Variants in GSG1L observed in about 807,000 individuals in gnomAD.
GSG1L encodes GSG1 like.
In GSG1L, 24 loss-of-function variants were observed where a neutral mutation model predicts 42.1. That is an observed-to-expected ratio of 0.57 (90% CI 0.41 to 0.80). The LOEUF is 0.80. Among genes scored for constraint, GSG1L ranks in the 30% least tolerant of loss-of-function variants. GSG1L has a pLI of 0.00. For missense variants in GSG1L, 445 were observed against 472.2 expected (o/e 0.94, Z 0.53); for synonymous variants, 215 against 203.5 (o/e 1.06, Z -0.48).
chr16:27,881,238 C>T (rs968958464), intron 3 of GSG1L, among the ~76,000 whole-genome samples: 13 of 106,976 alleles, frequency 1.2e-4, no homozygotes, highest in South Asian at 6.4e-4. Flanking sequence ...AAGTATCATA[C>T]TTTTTTTTTT....
In GSG1L at chr16:27,842,513, C is replaced by A. The variant is rs535416344; in HGVS notation, c.662+2437G>T. On this transcript the variant is annotated intron_variant, in intron 4 of 6. Transcript: ENST00000447459. ...AAGATATTATTACACACATGGTCAA[C>A]ACAAATATTAGTTCCCTTCCTCTGT... Among the ~76,000 whole-genome samples, 18 of 152,308 alleles carry A rather than the reference C, an allele frequency of 1.2e-4. No homozygotes were observed. The East Asian group carries it at 2.3e-3, about 20-fold the overall frequency.
intron 3 of GSG1L, among the ~76,000 whole-genome samples, chr16:27,869,644 CCT>C (rs143517987): frequency 3.2e-5 from 4 of 123,404 alleles, no homozygotes; most frequent in Admixed American, 8.4e-5. Flanking sequence ...ATCTCTCTCT[CCT>C]CTCTGTCTTC....
chr16:27,936,743 T>A (rs1227358035), intron 2 of GSG1L, among the ~76,000 whole-genome samples: 1 of 152,218 alleles, frequency 6.6e-6, no homozygotes, highest in Non-Finnish European at 1.5e-5. Context: ...CTCTTTCTAC[T>A]ACATTGGTAC....
At chr16:27,850,458 A>C (rs9923632) in intron 3 of GSG1L, 128,046 of 450,472 alleles carry the variant, frequency 0.28, 19,131 homozygotes, top group Non-Finnish European at 0.32. Flanking sequence ...TAAATAACAC[A>C]ATGTGCCTAG....
chr16:28,025,939 G>A (rs2085895900), intron 1 of GSG1L, among the ~76,000 whole-genome samples: 1 of 152,228 alleles, frequency 6.6e-6, no homozygotes, highest in South Asian at 2.1e-4. Context: ...ACAGCTCCTT[G>A]CTACCAGGAG....
intron 1 of GSG1L, among the ~76,000 whole-genome samples, chr16:28,010,838 C>A (rs1450945824): frequency 6.6e-6 from 1 of 152,126 alleles, no homozygotes; most frequent in Non-Finnish European, 1.5e-5. Flanking sequence ...ACGGTGATTG[C>A]AAAATTCAAA....
At chr16:28,045,940 G>T (rs1387702026) in intron 1 of GSG1L, among the ~76,000 whole-genome samples, 1 of 152,056 alleles carries the variant, frequency 6.6e-6, no homozygotes, top group Admixed American at 6.6e-5. Context: ...AGGTTGCAGT[G>T]AGCTGAGATC....
In GSG1L at chr16:28,035,756, T is replaced by C. The variant is rs75430049; in HGVS notation, c.349+27320A>G. Among the ~76,000 whole-genome samples the C allele has an allele frequency of 2.9e-3, 446 of 152,252 alleles. 3 individuals carry two copies. The highest frequency in any genetic ancestry group is 0.01 in the African/African-American group (428 of 41,552). ...CTCATACAACCCCTCATTGCCCAGA[T>C]GGAAAGTCTGAGCTCCTACCACCCC... is the stretch of plus-strand genomic sequence containing the variant. On this transcript the variant is annotated intron_variant, in intron 1 of 6. Coordinates refer to ENST00000447459, the MANE Select transcript of GSG1L (RefSeq NM_001109763.2).
At chr16:28,041,690 A>C (rs412951) in intron 1 of GSG1L, among the ~76,000 whole-genome samples, 128,000 of 151,866 alleles carry the variant, frequency 0.84, 53,986 homozygotes, top group Admixed American at 0.9. Context: ...ATTTACTCAA[A>C]AATAGAGCAG....
chr16:28,021,699 T>C (rs2085845199), intron 1 of GSG1L, among the ~76,000 whole-genome samples: 2 of 152,236 alleles, frequency 1.3e-5, no homozygotes, highest in Admixed American at 1.3e-4. Context: ...TGGGCTCCTC[T>C]CCCAAACTGA....
At chr16:27,865,132 C>T (rs1221259422) in intron 3 of GSG1L, among the ~76,000 whole-genome samples, 2 of 152,154 alleles carry the variant, frequency 1.3e-5, no homozygotes, top group Admixed American at 6.5e-5. Context: ...ACTCTCACCC[C>T]CACACTCTGG....
intron 1 of GSG1L, among the ~76,000 whole-genome samples, chr16:27,986,210 T>C (rs1295879593): frequency 2.0e-5 from 3 of 152,072 alleles, no homozygotes; most frequent in Non-Finnish European, 2.9e-5. Flanking sequence ...ATAAGAAAAG[T>C]GTGATCTGGC....
At chr16:27,939,182 T>A (rs1464889444) in intron 2 of GSG1L, among the ~76,000 whole-genome samples, 1 of 152,020 alleles carries the variant, frequency 6.6e-6, no homozygotes, top group Non-Finnish European at 1.5e-5. Context: ...AGTGCAGTGG[T>A]GTGATCATAG....
chr16:28,022,870 C>A (rs1488601555), intron 1 of GSG1L, among the ~76,000 whole-genome samples: 1 of 152,062 alleles, frequency 6.6e-6, no homozygotes, highest in Non-Finnish European at 1.5e-5. Context: ...CGGGGTTTCA[C>A]TATATTGGCC....
At chr16:27,996,622 C>A (rs889903211) in intron 1 of GSG1L, among the ~76,000 whole-genome samples, 1 of 152,212 alleles carries the variant, frequency 6.6e-6, no homozygotes, top group African/African-American at 2.4e-5. Flanking sequence ...CAGAATAAGT[C>A]TACAGAACTC....
chr16:27,982,915 T>C (rs2085340138), intron 1 of GSG1L, among the ~76,000 whole-genome samples: 1 of 152,152 alleles, frequency 6.6e-6, no homozygotes, highest in Non-Finnish European at 1.5e-5. Context: ...ACATGGGGGA[T>C]CACATTTCAA....
At chr16:27,832,325 G>A (rs1346412074) in intron 4 of GSG1L, among the ~76,000 whole-genome samples, 3 of 152,180 alleles carry the variant, frequency 2.0e-5, no homozygotes, top group Non-Finnish European at 2.9e-5. Context: ...CATTGATACA[G>A]TCAAACTACA....
chr16:27,978,682 C>T (rs2141122102), intron 1 of GSG1L, among the ~76,000 whole-genome samples: 1 of 133,976 alleles, frequency 7.5e-6, no homozygotes, highest in East Asian at 2.3e-4. Flanking sequence ...CAGAGCAAGA[C>T]TCCATCTCAA....
chr16:27,934,492 G>A (rs974059656), intron 2 of GSG1L, among the ~76,000 whole-genome samples: 3 of 152,036 alleles, frequency 2.0e-5, no homozygotes, highest in African/African-American at 4.8e-5. Context: ...TCTAGATTGC[G>A]CCATTGCACT....
Sources: allele counts gnomAD v4.1 joint callset (sites outside exome capture counted in the v4.1 genomes callset), GRCh38; gene constraint gnomAD v4.1.1; transcripts MANE v1.5; gene names NCBI Gene and HGNC (gene_info 2026-07-23, HGNC 2026-07-21).